Variants in KIF20B observed in about 807,000 individuals in gnomAD.
KIF20B encodes the protein kinesin family member 20B, also known as kinesin-like protein KIF20B.
Under a neutral mutation model 232.5 loss-of-function variants are expected in KIF20B, and 188 were observed. The ratio of observed to expected loss-of-function variants is 0.81; its 90% CI spans 0.72 to 0.91. The LOEUF (loss-of-function observed/expected upper bound fraction) is 0.91, where lower values mean the gene tolerates loss of function less well. Ranked by LOEUF, KIF20B falls within the 40% of genes least tolerant of loss-of-function variation. The probability of loss-of-function intolerance (pLI) is 0.00; values close to 1 mark genes in which losing one functional copy is unlikely to be tolerated. For missense variants in KIF20B, 2,154 were observed against 2,055.9 expected (o/e 1.05, Z -0.92); for synonymous variants, 712 against 683.0 (o/e 1.04, Z -0.66).
rs1447786504 is a variant in KIF20B, at chr10:89,732,941, A to G, written c.2430A>G (p.Lys810=). The G allele has an allele frequency of 2.5e-6, 4 of 1,607,846 alleles. No individual in the cohort carries two copies. Among genetic ancestry groups the G allele is most frequent in the Admixed American group, 1.7e-5 (1 of 59,390 alleles). The part of the protein sequence containing the change: ...ADTSSLIINN[K]LICNETVEVP... Reference sequence around the variant, plus strand: ...CATCTTCTTTAATAATAAACAATAAATTGATTTGTAATGAAACAGTTGAAG... The same window carrying G: ...CATCTTCTTTAATAATAAACAATAAGTTGATTTGTAATGAAACAGTTGAAG... Residue 810 remains lysine, a synonymous_variant, in exon 19 of 33, where the codon AAA becomes AAG. Transcript: ENST00000371728.
At chr10:89,726,859 T>G (rs1843197828) in intron 16 of KIF20B, among the ~76,000 whole-genome samples, 1 of 151,774 alleles carries the variant, frequency 6.6e-6, no homozygotes. Context: ...AAGGCTGGAG[T>G]CAGTAGTGGC....
intron 17 of KIF20B, 100 bp downstream of exon 17, chr10:89,727,996 T>C (rs1027037052): frequency 4.7e-6 from 5 of 1,068,460 alleles, no homozygotes; most frequent in Non-Finnish European, 5.2e-6. Flanking sequence ...AATTAAACAG[T>C]AATATAGTCT....
intron 23 of KIF20B, among the ~76,000 whole-genome samples, chr10:89,748,674 A>G (rs1416640136): frequency 6.6e-6 from 1 of 152,036 alleles, no homozygotes; most frequent in African/African-American, 2.4e-5. Flanking sequence ...GTTCATAGCT[A>G]TCTTTTAGGA....
intron 31 of KIF20B, among the ~76,000 whole-genome samples, chr10:89,772,135 AGTACTAT>A (rs1296079539): frequency 6.6e-6 from 1 of 152,000 alleles, no homozygotes; most frequent in East Asian, 1.9e-4. Context: ...ATTAAAAAAA[AGTACTAT>A]GTACTATGTA....
chr10:89,730,815 T>G (rs1239871672), intron 18 of KIF20B, among the ~76,000 whole-genome samples: 1 of 152,166 alleles, frequency 6.6e-6, no homozygotes, highest in East Asian at 1.9e-4. Context: ...GGGAGTCATT[T>G]TCACCAGAGG....
Position 89,726,335 on chromosome 10 carries a change from C to G in KIF20B, c.2044C>G (p.Leu682Val). The stretch of plus-strand genomic sequence containing the variant: ...AGGATTTGAAGATATTATTGATTCT[C>G]TTCAAGATAATGTTGCTGATATTAA... ...YVGFEDIIDSLQDNVADIKKQ... is the reference protein window; with the variant it reads ...YVGFEDIIDSVQDNVADIKKQ... Residue 682 changes from leucine to valine, a missense_variant, in exon 16 of 33, where the codon CTT becomes GTT. By Grantham distance (32) the Leu-to-Val change is conservative (BLOSUM62 1). Coordinates refer to ENST00000371728, the MANE Select transcript of KIF20B (RefSeq NM_001284259.2). The G allele has an allele frequency of 7.1e-6, 11 of 1,551,314 alleles. No homozygotes were observed. Among genetic ancestry groups the G allele is most frequent in the Non-Finnish European group, 9.6e-6 (11 of 1,146,930 alleles).
At chr10:89,742,187 A>G (rs1023250780) in intron 21 of KIF20B, among the ~76,000 whole-genome samples, 2 of 152,210 alleles carry the variant, frequency 1.3e-5, no homozygotes, top group Admixed American at 6.5e-5. Context: ...AGTTATGGCC[A>G]CAATTCATGA....
chr10:89,766,015 G>A (rs779522638), intron 29 of KIF20B, among the ~76,000 whole-genome samples: 6 of 151,976 alleles, frequency 3.9e-5, no homozygotes, highest in East Asian at 1.9e-4. Flanking sequence ...TCTTTGTGGC[G>A]TTCTCTGTAT....
intron 29 of KIF20B, among the ~76,000 whole-genome samples, chr10:89,763,718 G>C (rs901054482): frequency 6.6e-6 from 1 of 152,042 alleles, no homozygotes. Flanking sequence ...TGGCAAGTCA[G>C]ATGAGGTTTC....
In KIF20B at chr10:89,738,477, C is replaced by A; in HGVS notation, c.3636C>A (p.Val1212=). 2 of 1,604,776 alleles carry A rather than the reference C, an allele frequency of 1.2e-6. No homozygotes were observed. Among genetic ancestry groups the A allele is most frequent in the South Asian group, 2.3e-5 (2 of 88,154 alleles). Residue 1212 remains valine, a synonymous_variant, in exon 20 of 33, where the codon GTC becomes GTA. Transcript: ENST00000371728. ...TTCAAGAACATCTTCAGGATTCTGT[C>A]AAAAACACCAAAGATTTAAATGTAA... ...KEFQEHLQDS[V]KNTKDLNVKE...
intron 28 of KIF20B, 117 bp from the exon 29 acceptor site, chr10:89,762,521 A>G (rs1362480403): frequency 1.4e-6 from 1 of 695,244 alleles, no homozygotes; most frequent in African/African-American, 1.8e-5. Flanking sequence ...GTGATCTAGC[A>G]CGCTTTTTGT....
intron 19 of KIF20B, among the ~76,000 whole-genome samples, chr10:89,733,520 A>G (rs2133120488): frequency 6.6e-6 from 1 of 152,306 alleles, no homozygotes; most frequent in Non-Finnish European, 1.5e-5. Flanking sequence ...GAAAGATAAT[A>G]CATGTTGAAG....
intron 6 of KIF20B, among the ~76,000 whole-genome samples, chr10:89,713,673 TTAA>T: frequency 6.6e-6 from 1 of 152,190 alleles, no homozygotes; most frequent in African/African-American, 2.4e-5. Context: ...AATTAAATGT[TTAA>T]TAATAAGGGA....
intron 25 of KIF20B, 113 bp downstream of exon 25, chr10:89,752,804 A>T: frequency 1.5e-6 from 1 of 669,200 alleles, no homozygotes; most frequent in Non-Finnish European, 2.2e-6. Flanking sequence ...TGGGTGAAAT[A>T]ATACCTGGCA....
intron 22 of KIF20B, 58 bp from the exon 23 acceptor site, chr10:89,745,841 G>A: frequency 1.7e-6 from 2 of 1,158,668 alleles, no homozygotes; most frequent in Non-Finnish European, 2.6e-6. Flanking sequence ...AAGATCCACT[G>A]TTAAATATTG....
intron 19 of KIF20B, among the ~76,000 whole-genome samples, chr10:89,733,316 A>G (rs1843370778): frequency 7.4e-6 from 1 of 134,636 alleles, no homozygotes; most frequent in African/African-American, 3.1e-5. Context: ...TGTGCTTATA[A>G]TAGTTAAAAC....
chr10:89,726,755 C>CA (rs530958211), intron 16 of KIF20B, among the ~76,000 whole-genome samples: 4 of 151,844 alleles, frequency 2.6e-5, no homozygotes, highest in Non-Finnish European at 4.4e-5. Context: ...AGCTTCTCAA[C>CA]AAAAAAAGTC....
chr10:89,753,507 A>G (rs1007267206), intron 25 of KIF20B, among the ~76,000 whole-genome samples: 1 of 152,244 alleles, frequency 6.6e-6, no homozygotes, highest in East Asian at 1.9e-4. Flanking sequence ...TTTGCATTAA[A>G]AAGTATTTGT....
intron 31 of KIF20B, among the ~76,000 whole-genome samples, chr10:89,771,418 A>AT (rs1842457880): frequency 1.3e-5 from 2 of 151,694 alleles, no homozygotes; most frequent in South Asian, 2.1e-4. Context: ...AAACATTTCT[A>AT]TTTTTTTTAG....
Sources: allele counts gnomAD v4.1 joint callset (sites outside exome capture counted in the v4.1 genomes callset), GRCh38; gene constraint gnomAD v4.1.1; transcripts MANE v1.5; gene names NCBI Gene and HGNC (gene_info 2026-07-23, HGNC 2026-07-21).